Variants in ZRANB3 observed in about 807,000 individuals in gnomAD.
ZRANB3 encodes the protein zinc finger RANBP2-type containing 3.
A neutral mutation model predicts 133.8 loss-of-function variants in ZRANB3; 125 were observed. The ratio of observed to expected loss-of-function variants is 0.93; its 90% CI spans 0.81 to 1.08. ZRANB3 has a LOEUF of 1.08. Ranked by LOEUF, ZRANB3 falls within the 50% of genes least tolerant of loss-of-function variation. ZRANB3 has a pLI of 0.00. For synonymous variants in ZRANB3, 387 were observed against 432.7 expected (o/e 0.89, Z 1.31); for missense variants, 1,229 against 1,275.5 (o/e 0.96, Z 0.56).
Position 135,271,804 on chromosome 2 carries a change from AGT to A in ZRANB3, c.1168_1169del (p.Thr390SerfsTer26). ...CCTGAATGCTTAGGATAGCCACGCG[AGT>A]GTCAGGATCCTTTTGAAACTGATTA... Reference protein sequence around the residue: ...LVNQFQKDPDTRVAILSIQAA... With the variant: ...LVNQFQKDPDXRVAILSIQAA... On this transcript the variant is annotated frameshift_variant, in exon 10 of 21. Transcript: ENST00000264159. LOFTEE classifies it high-confidence loss of function. The A allele has an allele frequency of 1.2e-6, 2 of 1,613,810 alleles. No homozygotes were observed. The highest frequency in any genetic ancestry group is 1.7e-6 in the Non-Finnish European group (2 of 1,179,818).
intron 3 of ZRANB3, among the ~76,000 whole-genome samples, chr2:135,388,690 T>C (rs1265478623): frequency 6.6e-6 from 1 of 152,224 alleles, no homozygotes; most frequent in Non-Finnish European, 1.5e-5. Flanking sequence ...ATATTTCTAT[T>C]TGTTGAAAAC....
At chr2:135,465,477 A>C (rs1690946282) in intron 2 of ZRANB3, among the ~76,000 whole-genome samples, 2 of 152,256 alleles carry the variant, frequency 1.3e-5, no homozygotes, top group Admixed American at 1.3e-4. Flanking sequence ...TAACGAAATG[A>C]AATCTATATC....
chr2:135,498,786 G>GA (rs752423457), intron 2 of ZRANB3, among the ~76,000 whole-genome samples: 7 of 152,144 alleles, frequency 4.6e-5, no homozygotes, highest in Non-Finnish European at 8.8e-5. Flanking sequence ...TACGGTTGTA[G>GA]ATAAGGGATG....
At chr2:135,452,944 C>T (rs1355748840) in intron 2 of ZRANB3, among the ~76,000 whole-genome samples, 1 of 152,240 alleles carries the variant, frequency 6.6e-6, no homozygotes, top group Non-Finnish European at 1.5e-5. Flanking sequence ...TGTGTGGGGG[C>T]TCCGACCCAA....
Position 135,485,180 on chromosome 2 carries a change from A to AACATAACATAACATAACAT in ZRANB3, c.161+19148_161+19149insATGTTATGTTATGTTATGT, listed in dbSNP as rs1553502629. ...AAACAAAACAAAACAAAACAAAACAAAACAAAACATAACATAACATAACAT... is the reference window on the plus strand; with the variant it reads ...AAACAAAACAAAACAAAACAAAACAAACATAACATAACATAACATAACAAAACATAACATAACATAACAT... On this transcript the variant is annotated intron_variant, in intron 2 of 20. Coordinates refer to ENST00000264159, the MANE Select transcript of ZRANB3 (RefSeq NM_032143.4). Among the ~76,000 whole-genome samples, 141 of 115,346 alleles carry AACATAACATAACATAACAT rather than the reference A, an allele frequency of 1.2e-3. 1 individual carries two copies. The highest frequency in any genetic ancestry group is 6.1e-3 in the African/African-American group (106 of 17,400). 75.7% of individuals were successfully genotyped at this position (115,346 alleles called of 152,430 possible). A position where few individuals can be genotyped will look rare whatever the true frequency, so the allele number is the denominator to read the frequency against.
At chr2:135,346,291 G>A (rs781372324) in intron 5 of ZRANB3, among the ~76,000 whole-genome samples, 31 of 152,086 alleles carry the variant, frequency 2.0e-4, no homozygotes, top group Non-Finnish European at 4.3e-4. Flanking sequence ...TAGTAGAGAC[G>A]GGGTTTCACC....
At chr2:135,490,030 C>G (rs965375331) in intron 2 of ZRANB3, among the ~76,000 whole-genome samples, 9 of 152,198 alleles carry the variant, frequency 5.9e-5, no homozygotes, top group Admixed American at 2.0e-4. Context: ...AAGACATATT[C>G]TAGTACTGGA....
At chr2:135,412,105 T>A (rs1476010811) in intron 2 of ZRANB3, among the ~76,000 whole-genome samples, 2 of 152,198 alleles carry the variant, frequency 1.3e-5, no homozygotes, top group East Asian at 3.8e-4. Flanking sequence ...ATTTGATGGC[T>A]ACAAAAATTG....
chr2:135,296,795 A>T (rs1046087050), intron 8 of ZRANB3, among the ~76,000 whole-genome samples: 1 of 152,190 alleles, frequency 6.6e-6, no homozygotes, highest in African/African-American at 2.4e-5. Context: ...TCCTTCTAAC[A>T]GTCAGGACCG....
At chr2:135,201,664 C>CAA (rs1286669177) in intron 20 of ZRANB3, among the ~76,000 whole-genome samples, 5 of 66,960 alleles carry the variant, frequency 7.5e-5, no homozygotes, top group Admixed American at 1.7e-4. Context: ...GACTCTGTCT[C>CAA]AAAAAAAAAA....
rs1211631569 is a variant in ZRANB3, at chr2:135,198,822, G to C, written c.*1520C>G. ...TGACTTGATCTCATACAATGAAATA[G>C]AAACTGAGGAACAACTGTGGTTGTA... On this transcript the variant is annotated 3_prime_UTR_variant, in exon 21 of 21. Coordinates refer to ENST00000264159, the MANE Select transcript of ZRANB3 (RefSeq NM_032143.4). 1 of 152,210 alleles carries C rather than the reference G, an allele frequency of 6.6e-6. No individual in the cohort carries two copies. The highest frequency in any genetic ancestry group is 6.5e-5 in the Admixed American group (1 of 15,284). 9.4% of individuals were successfully genotyped at this position (152,210 alleles called of 1,614,324 possible).
intron 19 of ZRANB3, among the ~76,000 whole-genome samples, chr2:135,205,952 A>G (rs531422045): frequency 2.6e-5 from 4 of 152,288 alleles, no homozygotes; most frequent in African/African-American, 7.2e-5. Flanking sequence ...CCACCTGTTA[A>G]GATCTTTTCC....
intron 3 of ZRANB3, among the ~76,000 whole-genome samples, chr2:135,384,785 ATTCAACAGCCC>A (rs1686885839): frequency 6.6e-6 from 1 of 152,216 alleles, no homozygotes; most frequent in Non-Finnish European, 1.5e-5. Flanking sequence ...CTTTGACAAA[ATTCAACAGCCC>A]TTCATGCTAA....
intron 14 of ZRANB3, 60 bp downstream of exon 14, chr2:135,227,752 G>T: frequency 6.8e-7 from 1 of 1,474,542 alleles, no homozygotes; most frequent in Non-Finnish European, 9.3e-7. Flanking sequence ...TCTAATAACA[G>T]TATTATGTGT....
chr2:135,509,275 T>G (rs1412953951), intron 1 of ZRANB3, among the ~76,000 whole-genome samples: 6 of 152,148 alleles, frequency 3.9e-5, no homozygotes, highest in Non-Finnish European at 1.5e-5. Context: ...GAATAAAACT[T>G]ACTACAAATG....
intron 3 of ZRANB3, among the ~76,000 whole-genome samples, chr2:135,375,407 C>T (rs1027367853): frequency 1.3e-5 from 2 of 151,898 alleles, no homozygotes; most frequent in African/African-American, 2.4e-5. Flanking sequence ...ACAAAGTGGC[C>T]GGGCACGGTG....
At chr2:135,448,288 A>G (rs529080163) in intron 2 of ZRANB3, among the ~76,000 whole-genome samples, 1 of 152,306 alleles carries the variant, frequency 6.6e-6, no homozygotes, top group African/African-American at 2.4e-5. Flanking sequence ...TTTTAATGAA[A>G]ACCACTCTTG....
intron 3 of ZRANB3, among the ~76,000 whole-genome samples, chr2:135,375,684 CAA>C (rs61475008): frequency 2.3e-5 from 3 of 132,932 alleles, no homozygotes; most frequent in Admixed American, 7.7e-5. Flanking sequence ...GACTCCATCT[CAA>C]AAAAAAAAAA....
At chr2:135,484,383 C>G (rs1366639769) in intron 2 of ZRANB3, among the ~76,000 whole-genome samples, 1 of 152,140 alleles carries the variant, frequency 6.6e-6, no homozygotes, top group Non-Finnish European at 1.5e-5. Flanking sequence ...TGAATAAGTA[C>G]ATGACAAATA....
Sources: gnomAD v4.1 joint callset for allele counts (sites outside exome capture counted in the v4.1 genomes callset) on GRCh38, gnomAD v4.1.1 for gene constraint, MANE v1.5 for transcripts, NCBI Gene and HGNC (gene_info 2026-07-23, HGNC 2026-07-21) for gene names.